The following NEB variants were observed in gnomAD, a reference collection of about 807,000 sequenced individuals.
The protein encoded by NEB is nebulin, also known as nemaline myopathy type 2.
NEB carries 512 observed loss-of-function variants against 952.2 expected under a neutral mutation model. The observed-to-expected ratio is 0.54, with a 90% confidence interval of 0.50 to 0.58. The LOEUF is 0.58. Ranked by LOEUF, NEB falls within the 20% of genes least tolerant of loss-of-function variation. The probability of loss-of-function intolerance (pLI) is 0.00; values close to 1 mark genes in which losing one functional copy is unlikely to be tolerated. For missense variants in NEB, 8,428 were observed against 9,231.1 expected (o/e 0.91, Z 3.56); for synonymous variants, 2,900 against 3,149.8 (o/e 0.92, Z 2.66).
rs111387118 is a variant in NEB, at chr2:151,726,736, T to G, written c.294+955A>C. Among the ~76,000 whole-genome samples, 1,455 of 152,214 alleles carry G rather than the reference T, an allele frequency of 9.6e-3. 13 individuals are homozygous for G. The highest frequency in any genetic ancestry group is 0.02 in the Middle Eastern group (6 of 294). On this transcript the variant is annotated intron_variant, in intron 5 of 181. Coordinates refer to ENST00000397345, the MANE Select transcript of NEB (RefSeq NM_001164508.2). ...ATCTGGGCAGCTTTTTAAAATCCTT[T>G]TGTACAGGGCTGGGCATGGTGGCTT... is the stretch of plus-strand genomic sequence containing the variant.
At chr2:151,573,018 C>T (rs989183190) in intron 107 of NEB, among the ~76,000 whole-genome samples, 4 of 152,104 alleles carry the variant, frequency 2.6e-5, no homozygotes, top group Non-Finnish European at 5.9e-5. Context: ...ATGTAGTGAG[C>T]ATGAAGATTA....
chr2:151,678,607 T>C (rs569621146), intron 32 of NEB, among the ~76,000 whole-genome samples: 1 of 152,304 alleles, frequency 6.6e-6, no homozygotes, highest in South Asian at 2.1e-4. Flanking sequence ...GTAGTAGTGG[T>C]AGGATGTTAA....
intron 161 of NEB, among the ~76,000 whole-genome samples, chr2:151,509,903 C>G (rs921529569): frequency 1.3e-5 from 2 of 152,152 alleles, no homozygotes; most frequent in Non-Finnish European, 2.9e-5. Context: ...CCACTGCGCC[C>G]GACCAAGAGT....
At chr2:151,729,516 C>T in intron 4 of NEB, 99 bp downstream of exon 4, 1 of 1,338,150 alleles carries the variant, frequency 7.5e-7, no homozygotes, top group Non-Finnish European at 1.1e-6. Context: ...GTCAGATAAT[C>T]CCTTTTGCCA....
At chr2:151,715,752 T>C (rs1044833278) in intron 10 of NEB, among the ~76,000 whole-genome samples, 5 of 152,242 alleles carry the variant, frequency 3.3e-5, no homozygotes, top group African/African-American at 1.2e-4. Flanking sequence ...TATTTTGTTG[T>C]AGAAGCCCAA....
chr2:151,640,337 A>G lies in NEB; in HGVS notation c.8685+18T>C, dbSNP rs756995329. 3 of 1,609,146 alleles carry G rather than the reference A, an allele frequency of 1.9e-6. No individual in the cohort carries two copies. Among genetic ancestry groups the G allele is most frequent in the Non-Finnish European group, 2.6e-6 (3 of 1,176,028 alleles). On this transcript the variant is annotated intron_variant, in intron 61 of 181. Coordinates refer to ENST00000397345, the MANE Select transcript of NEB (RefSeq NM_001164508.2). ...TAATTTCCCACCTCTGCACGTTATT[A>G]TGACTCTCAGTACTCACATCGCTCT...
chr2:151,510,976 A>C (rs993867483), intron 161 of NEB, among the ~76,000 whole-genome samples: 1 of 152,238 alleles, frequency 6.6e-6, no homozygotes, highest in African/African-American at 2.4e-5. Flanking sequence ...TTACCATTCA[A>C]CTGTAAATAC....
In NEB at chr2:151,512,351, A is replaced by G. The variant is rs185277887; in HGVS notation, c.23346+382T>C. On this transcript the variant is annotated intron_variant, in intron 161 of 181. Coordinates refer to ENST00000397345, the MANE Select transcript of NEB (RefSeq NM_001164508.2). ...GCCGGGCTTCTCTCTTTTTTTTTTA[A>G]GAGTCTCACCCTGTCACCCAGGGGA... Among the ~76,000 whole-genome samples the G allele has an allele frequency of 2.3e-3, 350 of 149,284 alleles. 9 individuals are homozygous for G. The East Asian group carries it at 0.047, about 20-fold the overall frequency.
At chr2:151,543,925 T>G (rs1232717846) in intron 135 of NEB, among the ~76,000 whole-genome samples, 1 of 152,252 alleles carries the variant, frequency 6.6e-6, no homozygotes. Context: ...ATCTATACAA[T>G]TGAAAACTCA....
intron 9 of NEB, among the ~76,000 whole-genome samples, chr2:151,717,885 A>C (rs4375863): frequency 6.9e-6 from 1 of 144,266 alleles, no homozygotes; most frequent in African/African-American, 2.6e-5. Context: ...ACGGAGTCTC[A>C]CTATGTTGCC....
At chr2:151,660,363 T>C (rs936868230) in intron 46 of NEB, among the ~76,000 whole-genome samples, 3 of 151,850 alleles carry the variant, frequency 2.0e-5, no homozygotes, top group African/African-American at 7.3e-5. Context: ...CTTGTGTGTA[T>C]GTATGTATGT....
Position 151,692,097 on chromosome 2 carries a change from G to A in NEB, c.2068C>T (p.His690Tyr). 1 of 1,613,958 alleles carries A rather than the reference G, an allele frequency of 6.2e-7. No homozygotes were observed. The highest frequency in any genetic ancestry group is 8.5e-7 in the Non-Finnish European group (1 of 1,179,854). ...GCTGCAACTTTCATGCAGTGTGTGT[G>A]ATATGGGTCCTCCATGCTGCCTACA... Reference protein sequence around the residue: ...HYVGSMEDPYHTHCMKVAAQN... With the variant: ...HYVGSMEDPYYTHCMKVAAQN... Residue 690 changes from histidine to tyrosine, a missense_variant, in exon 22 of 182, where the codon CAC becomes TAC. By Grantham distance (83) the His-to-Tyr change is moderately conservative (BLOSUM62 2). Transcript: ENST00000397345.
At chr2:151,548,564 A>T (rs757637316) in intron 130 of NEB, 149 bp from the exon 131 acceptor site, 2 of 597,674 alleles carry the variant, frequency 3.3e-6, no homozygotes, top group Non-Finnish European at 5.9e-6. Context: ...CAAAATTTCA[A>T]TATTAATCCA....
In NEB at chr2:151,631,188, A is replaced by C; in HGVS notation, c.9573T>G (p.Ser3191=). The C allele has an allele frequency of 1.2e-6, 2 of 1,613,958 alleles. No individual in the cohort carries two copies. The highest frequency in any genetic ancestry group is 2.2e-5 in the East Asian group (1 of 44,884). The change falls in exon 66 of 182, where the codon TCT becomes TCG. Residue 3191 remains serine, a synonymous_variant. Transcript: ENST00000397345. Reference sequence around the variant, plus strand: ...TGTTCTTGGCCAGCACCTGCTCTAGAGAATCAGTCACACTGGTAAATTTCA... The same window carrying C: ...TGTTCTTGGCCAGCACCTGCTCTAGCGAATCAGTCACACTGGTAAATTTCA... ...DKLKFTSVTD[S]LEQVLAKNNA...
intron 125 of NEB, 57 bp from the exon 126 acceptor site, chr2:151,554,082 C>A: frequency 6.5e-7 from 1 of 1,541,940 alleles, no homozygotes; most frequent in Non-Finnish European, 9.0e-7. Flanking sequence ...GGCATCATGG[C>A]CATACATGAG....
chr2:151,678,167 A>G lies in NEB; in HGVS notation c.3276T>C (p.Tyr1092=), dbSNP rs1463806289. The change falls in exon 33 of 182, where the codon TAT becomes TAC. Residue 1092 remains tyrosine, a synonymous_variant. Transcript: ENST00000397345. ...CAACCATTTTCCCTTTAGCCTTTTC[A>G]TAGTCTTTTTTGTACTGAACCTATT... is the stretch of plus-strand genomic sequence containing the variant. ...AASDVQYKKD[Y]EKAKGKMVGF... 6.2e-7 allele frequency: 1 copy of G among 1,608,534 alleles called. No homozygotes were observed. The highest frequency in any genetic ancestry group is 1.7e-5 in the Admixed American group (1 of 59,378).
Position 151,658,029 on chromosome 2 carries a change from G to T in NEB, c.6137C>A (p.Ala2046Glu). 1.2e-6 allele frequency: 2 copies of T among 1,611,452 alleles called. No individual in the cohort carries two copies. The highest frequency in any genetic ancestry group is 1.7e-6 in the Non-Finnish European group (2 of 1,178,540). Residue 2046 changes from alanine to glutamate, a missense_variant, in exon 48 of 182, where the codon GCA becomes GAA. By Grantham distance (107) the Ala-to-Glu change is moderately radical. This residue lies in a region of NEB where 2,851 missense variants were observed against 2,791.5 expected (regional missense o/e 1.02). Transcript: ENST00000397345. ...KKKGYDLRPDAIPIKAAKASR... is the reference protein window; with the variant it reads ...KKKGYDLRPDEIPIKAAKASR... The stretch of plus-strand genomic sequence containing the variant: ...AGCCTTGGCAGCTTTGATAGGAATT[G>T]CATCAGGTCTGAGATCATAGCCTTT...
At chr2:151,576,399 T>C in intron 105 of NEB, 45 bp from the exon 106 acceptor site, 1 of 1,425,550 alleles carries the variant, frequency 7.0e-7, no homozygotes, top group South Asian at 1.5e-5. Flanking sequence ...TGTTTTGTTG[T>C]GTATGTGTGT....
chr2:151,667,306 T>G (rs1011387790), intron 40 of NEB, among the ~76,000 whole-genome samples: 1 of 151,946 alleles, frequency 6.6e-6, no homozygotes, highest in South Asian at 2.1e-4. Flanking sequence ...TAAAAAGTGG[T>G]TTTTAAGTTC....
Sources: gnomAD v4.1 joint callset for allele counts (sites outside exome capture counted in the v4.1 genomes callset) on GRCh38, gnomAD v4.1.1 for gene constraint, gnomAD v4.1.1 regional missense constraint, MANE v1.5 for transcripts, NCBI Gene and HGNC (gene_info 2026-07-23, HGNC 2026-07-21) for gene names.